FGF12: variants seen among roughly 807,000 people sequenced by gnomAD.
FGF12 encodes the protein fibroblast growth factor 12.
Under a neutral mutation model 23.6 loss-of-function variants are expected in FGF12, and 14 were observed. The observed-to-expected ratio is 0.59, with a 90% CI of 0.39 to 0.93. FGF12 has a LOEUF of 0.93. Ranked by LOEUF, FGF12 falls within the 40% of genes least tolerant of loss-of-function variation. The pLI is 0.00. For missense variants in FGF12, 175 were observed against 217.8 expected (o/e 0.80, Z 1.24); for synonymous variants, 62 against 77.3 (o/e 0.80, Z 1.04).
intron 2 of FGF12, among the ~76,000 whole-genome samples, chr3:192,670,044 T>G (rs1019018475): frequency 3.3e-5 from 5 of 152,168 alleles, no homozygotes; most frequent in African/African-American, 7.2e-5. Flanking sequence ...CCACAATTAT[T>G]TAAAAGAACT....
chr3:192,656,189 A>G (rs1200108030), intron 2 of FGF12, among the ~76,000 whole-genome samples: 1 of 151,978 alleles, frequency 6.6e-6, no homozygotes, highest in East Asian at 1.9e-4. Flanking sequence ...CCTTACTCTC[A>G]AAATACTGGA....
chr3:192,546,225 C>G (rs1023556007), intron 2 of FGF12, among the ~76,000 whole-genome samples: 4 of 152,132 alleles, frequency 2.6e-5, no homozygotes, highest in East Asian at 3.9e-4. Context: ...ATAAGAATGC[C>G]TCATTATAGA....
intron 2 of FGF12, among the ~76,000 whole-genome samples, chr3:192,708,983 A>G (rs1299902388): frequency 1.3e-5 from 2 of 152,222 alleles, no homozygotes; most frequent in African/African-American, 4.8e-5. Flanking sequence ...ATCATTAATT[A>G]AGTCATGAAA....
At position 192,223,671 on chromosome 3, in the gene FGF12, G is replaced by A. The variant is rs111431324; in HGVS notation, c.229-53015C>T. Among the ~76,000 whole-genome samples, 336 of 152,066 alleles carry A rather than the reference G, an allele frequency of 2.2e-3. 2 individuals are homozygous for A. The highest frequency in any genetic ancestry group is 5.5e-3 in the African/African-American group (229 of 41,482). On this transcript the variant is annotated intron_variant, in intron 4 of 5. Coordinates refer to ENST00000445105, the MANE Select transcript of FGF12 (RefSeq NM_004113.6). Reference sequence around the variant, plus strand: ...GCTCGGATGATAAATTATGTTTGCCGTAACTGTCTATTACAGGTATATGCA... The same window carrying A: ...GCTCGGATGATAAATTATGTTTGCCATAACTGTCTATTACAGGTATATGCA...
At chr3:192,578,892 A>T (rs1245422619) in intron 2 of FGF12, among the ~76,000 whole-genome samples, 3 of 152,220 alleles carry the variant, frequency 2.0e-5, no homozygotes, top group African/African-American at 7.2e-5. Flanking sequence ...TTTTCACCAC[A>T]TAGACACACA....
chr3:192,235,012 C>T (rs1217441926), intron 4 of FGF12, among the ~76,000 whole-genome samples: 2 of 151,994 alleles, frequency 1.3e-5, no homozygotes, highest in East Asian at 1.9e-4. Context: ...CTTTTTCCCT[C>T]GTGTCTCTGC....
intron 2 of FGF12, among the ~76,000 whole-genome samples, chr3:192,540,529 A>C (rs1449900399): frequency 6.6e-6 from 1 of 152,074 alleles, no homozygotes; most frequent in Admixed American, 6.6e-5. Context: ...CAATTTTTTT[A>C]ATGTTTTAAG....
intron 4 of FGF12, among the ~76,000 whole-genome samples, chr3:192,207,614 G>C (rs559201246): frequency 6.6e-6 from 1 of 152,304 alleles, no homozygotes; most frequent in South Asian, 2.1e-4. Flanking sequence ...AAGTGTTGCT[G>C]GAAAAGCAGT....
chr3:192,365,077 T>C (rs1718913713), intron 2 of FGF12, among the ~76,000 whole-genome samples: 1 of 152,070 alleles, frequency 6.6e-6, no homozygotes, highest in Non-Finnish European at 1.5e-5. Context: ...TTCTACAAAA[T>C]ACTTGACCAG....
intron 2 of FGF12, among the ~76,000 whole-genome samples, chr3:192,436,720 C>T (rs1182458914): frequency 6.6e-6 from 1 of 152,176 alleles, no homozygotes; most frequent in African/African-American, 2.4e-5. Context: ...AGTAGCCTGT[C>T]TGATCAACAA....
chr3:192,604,365 G>A (rs2701598), intron 2 of FGF12, among the ~76,000 whole-genome samples: 64,153 of 151,976 alleles, frequency 0.42, 13,622 homozygotes, highest in Middle Eastern at 0.49. Flanking sequence ...ATAGGCATAA[G>A]AAATTATAAA....
intron 4 of FGF12, among the ~76,000 whole-genome samples, chr3:192,316,698 T>C (rs2108678006): frequency 6.6e-6 from 1 of 152,286 alleles, no homozygotes; most frequent in Admixed American, 6.5e-5. Context: ...CCTGGACAAG[T>C]CCTGCTGCTG....
chr3:192,323,897 C>T lies in FGF12; in HGVS notation c.228+11464G>A, dbSNP rs565033041. On this transcript the variant is annotated intron_variant, in intron 4 of 5. Coordinates refer to ENST00000445105, the MANE Select transcript of FGF12 (RefSeq NM_004113.6). The stretch of plus-strand genomic sequence containing the variant: ...CCTGAGCTCAGGAGATTGAGACCAG[C>T]CTGCGCAACACAGTGAAATACCATC... Among the ~76,000 whole-genome samples the T allele has an allele frequency of 3.3e-5, 5 of 151,972 alleles. No individual in the cohort carries two copies. In the South Asian group the frequency reaches 8.3e-4, roughly 25 times the overall value.
rs776138449 is a variant in FGF12 at position 192,693,334 on chromosome 3, A to C, written c.13+33847T>G. ...ATATATTGAAATATTAATAATGTTA[A>C]AATTTTTATACTCAAAGCAATATAC... On this transcript the variant is annotated intron_variant, in intron 2 of 5. Transcript: ENST00000445105. 1.2e-3 allele frequency among the ~76,000 whole-genome samples: 184 copies of C among 152,264 alleles called. 3 individuals are homozygous for C. Among genetic ancestry groups the C allele is most frequent in the Admixed American group, 1.4e-3 (21 of 15,284 alleles).
intron 4 of FGF12, among the ~76,000 whole-genome samples, chr3:192,258,117 G>A (rs1180431805): frequency 2.0e-5 from 3 of 151,862 alleles, no homozygotes; most frequent in Non-Finnish European, 4.4e-5. Context: ...AGAGGAACCA[G>A]GAAAATTTTG....
intron 4 of FGF12, among the ~76,000 whole-genome samples, chr3:192,231,631 G>C (rs188284930): frequency 1.3e-5 from 2 of 151,982 alleles, no homozygotes; most frequent in Non-Finnish European, 2.9e-5. Context: ...TTAGCCAGGG[G>C]TGTTGGTGGG....
chr3:192,197,853 G>C (rs1209601395), intron 4 of FGF12, among the ~76,000 whole-genome samples: 1 of 150,266 alleles, frequency 6.7e-6, no homozygotes, highest in African/African-American at 2.5e-5. Context: ...GGCTGAGGCA[G>C]GAGAATCACT....
chr3:192,470,713 G>T (rs762229197), intron 2 of FGF12, among the ~76,000 whole-genome samples: 1 of 152,118 alleles, frequency 6.6e-6, no homozygotes, highest in Non-Finnish European at 1.5e-5. Context: ...GATAACTGTC[G>T]TGAACATTCA....
At chr3:192,501,553 C>A in intron 2 of FGF12, among the ~76,000 whole-genome samples, 1 of 152,068 alleles carries the variant, frequency 6.6e-6, no homozygotes, top group East Asian at 1.9e-4. Context: ...GGCTAGTTAG[C>A]GTAATAGTAA....
Sources: gnomAD v4.1 joint callset for allele counts (sites outside exome capture counted in the v4.1 genomes callset) on GRCh38, gnomAD v4.1.1 for gene constraint, MANE v1.5 for transcripts, NCBI Gene and HGNC (gene_info 2026-07-23, HGNC 2026-07-21) for gene names.